ROS1: variants seen among roughly 807,000 people sequenced by gnomAD.
ROS1 encodes proto-oncogene tyrosine-protein kinase ROS.
ROS1 carries 263 observed loss-of-function variants against 273.5 expected under a neutral mutation model. That is an observed-to-expected ratio of 0.96 (90% confidence interval 0.87 to 1.06). The LOEUF is 1.06. ROS1 is among the 50% of genes least tolerant of loss of function. ROS1 has a pLI of 0.00. For synonymous variants in ROS1, 1,008 were observed against 954.1 expected (o/e 1.06, Z -1.04); for missense variants, 2,833 against 2,751.1 (o/e 1.03, Z -0.67).
At chr6:117,401,011 T>C (rs1163241669) in intron 7 of ROS1, among the ~76,000 whole-genome samples, 1 of 152,190 alleles carries the variant, frequency 6.6e-6, no homozygotes, top group African/African-American at 2.4e-5. Context: ...CCACTCCTCC[T>C]TTACCCTTGT....
rs1165438791 is a variant in ROS1 at position 117,341,570 on chromosome 6, A to G, written c.4714T>C (p.Trp1572Arg). Residue 1572 changes from tryptophan (W) to arginine (R), a missense_variant, in exon 30 of 44, where the codon TGG (tryptophan) becomes CGG (arginine). Coordinates refer to ENST00000368507, the MANE Select transcript of ROS1 (RefSeq NM_001378902.1). ...CCATTTGGCTTGTGAGATTCTCTCC[A>G]AGATATAATGAGGCTGGTGTCTGAC... ...VRSDTSLIISWRESHKPNGPK... is the reference protein window; with the variant it reads ...VRSDTSLIISRRESHKPNGPK... 3.1e-6 allele frequency: 5 copies of G among 1,613,702 alleles called. No individual in the cohort carries two copies. Among genetic ancestry groups the G allele is most frequent in the South Asian group, 1.1e-5 (1 of 91,070 alleles).
Position 117,389,687 on chromosome 6 carries a change from G to C in ROS1, c.1449C>G (p.Ala483=). 1 of 1,614,162 alleles carries C rather than the reference G, an allele frequency of 6.2e-7. No homozygotes were observed. Among genetic ancestry groups the C allele is most frequent in the Non-Finnish European group, 8.5e-7 (1 of 1,180,026 alleles). The change falls in exon 13 of 44, where the codon GCC becomes GCG. Residue 483 remains alanine, a synonymous_variant. Transcript: ENST00000368507. ...AKRIIYFNDT[A]QVFMSTFLDG... is the part of the protein sequence containing the mutation. ...CCAGAAATGTTGACATGAAGACTTG[G>C]GCAGTGTCATTGAAGTAAATGATTC... is the stretch of plus-strand genomic sequence containing the variant.
At chr6:117,360,224 C>G (rs1489386096) in intron 23 of ROS1, 118 bp downstream of exon 23, 1 of 869,724 alleles carries the variant, frequency 1.1e-6, no homozygotes, top group Non-Finnish European at 1.7e-6. Context: ...TGTTTTTGAC[C>G]TAAACTTTAG....
chr6:117,344,703 C>T (rs760658549), intron 27 of ROS1, among the ~76,000 whole-genome samples: 1 of 152,010 alleles, frequency 6.6e-6, no homozygotes, highest in East Asian at 1.9e-4. Flanking sequence ...GCAAGAGGGG[C>T]GGCAGCCATC....
In ROS1 at chr6:117,304,719, A is replaced by T. The variant is rs144882980; in HGVS notation, c.6552-3582T>A. ...AGATCAAGAAAACATAGTGTATATAAGGTTGGGTATTGATACGATTTGGCC... is the reference window on the plus strand; with the variant it reads ...AGATCAAGAAAACATAGTGTATATATGGTTGGGTATTGATACGATTTGGCC... On this transcript the variant is annotated intron_variant, in intron 42 of 43. Coordinates refer to ENST00000368507, the MANE Select transcript of ROS1 (RefSeq NM_001378902.1). 4.3e-3 allele frequency among the ~76,000 whole-genome samples: 661 copies of T among 152,270 alleles called. 3 individuals are homozygous for T. Among genetic ancestry groups the T allele is most frequent in the South Asian group, 0.024 (118 of 4,826 alleles).
chr6:117,388,029 T>C (rs776770495), intron 13 of ROS1, 37 bp from the exon 14 acceptor site: 67 of 1,613,118 alleles, frequency 4.2e-5, no homozygotes, highest in Non-Finnish European at 5.6e-5. Flanking sequence ...CTGATCAGGA[T>C]GACATCTGCA....
chr6:117,417,664 C>T (rs898031250), intron 2 of ROS1, among the ~76,000 whole-genome samples: 1 of 152,172 alleles, frequency 6.6e-6, no homozygotes, highest in Admixed American at 6.5e-5. Context: ...TCTTCCACTT[C>T]CCTACCCTCT....
chr6:117,382,378 C>T (rs1582801311), intron 17 of ROS1, among the ~76,000 whole-genome samples: 1 of 151,918 alleles, frequency 6.6e-6, no homozygotes, highest in African/African-American at 2.4e-5. Context: ...ACTATTAGTT[C>T]ATATATATAC....
chr6:117,358,560 A>G (rs1235710984), intron 24 of ROS1, among the ~76,000 whole-genome samples: 1 of 151,924 alleles, frequency 6.6e-6, no homozygotes, highest in Non-Finnish European at 1.5e-5. Context: ...CCTGGGTTCA[A>G]ACGATTCTCC....
In ROS1 at chr6:117,324,828, C is replaced by G. The variant is rs560196452; in HGVS notation, c.5540-413G>C. Among the ~76,000 whole-genome samples, 4 of 152,118 alleles carry G rather than the reference C, an allele frequency of 2.6e-5. No individual in the cohort carries two copies. In the East Asian group the frequency reaches 7.7e-4, roughly 29 times the overall value. On this transcript the variant is annotated intron_variant, in intron 34 of 43. Coordinates refer to ENST00000368507, the MANE Select transcript of ROS1 (RefSeq NM_001378902.1). ...AACTGAGGAATAAACATGGTAATTTCTCTTAGGTAGTTTCAGTTGTGTAGA... is the reference window on the plus strand; with the variant it reads ...AACTGAGGAATAAACATGGTAATTTGTCTTAGGTAGTTTCAGTTGTGTAGA...
chr6:117,383,302 C>CT lies in ROS1; in HGVS notation c.2481+14dup. Reference sequence around the variant, plus strand: ...ATTCAGTATTACTAAATGATCAGATCTTTTAATTTGTCACCTTTTTCCCAG... The same window carrying CT: ...ATTCAGTATTACTAAATGATCAGATCTTTTTAATTTGTCACCTTTTTCCCAG... On this transcript the variant is annotated intron_variant, in intron 17 of 43. Coordinates refer to ENST00000368507, the MANE Select transcript of ROS1 (RefSeq NM_001378902.1). The CT allele has an allele frequency of 6.3e-7, 1 of 1,596,484 alleles. No homozygotes were observed. The highest frequency in any genetic ancestry group is 2.2e-5 in the East Asian group (1 of 44,734).
intron 40 of ROS1, among the ~76,000 whole-genome samples, 178 bp from the exon 41 acceptor site, chr6:117,310,459 G>C (rs1305505262): frequency 6.6e-6 from 1 of 151,616 alleles, no homozygotes; most frequent in Non-Finnish European, 1.5e-5. Flanking sequence ...ATGTGCCATG[G>C]TGGTTTGCTG....
chr6:117,353,349 A>G (rs59737110), intron 26 of ROS1, among the ~76,000 whole-genome samples, 183 bp from the exon 27 acceptor site: 2,666 of 152,304 alleles, frequency 0.018, 75 homozygotes, highest in African/African-American at 0.061. Context: ...CTCTCATTTT[A>G]GCACCATATC....
chr6:117,359,845 G>A lies in ROS1; in HGVS notation c.3597C>T (p.Leu1199=). 6.2e-7 allele frequency: 1 copy of A among 1,613,914 alleles called. No homozygotes were observed. The highest frequency in any genetic ancestry group is 8.5e-7 in the Non-Finnish European group (1 of 1,179,880). The change falls in exon 24 of 44, where the codon CTC becomes CTT. Residue 1199 remains leucine, a synonymous_variant. Transcript: ENST00000368507. ...EMGYYAEGDS[L]FLLHLHNRSS... is the part of the protein sequence containing the mutation. ...AGCGATTGTGCAAGTGCAGAAGAAA[G>A]AGTGAGTCCCCTTCAGCATAATATC...
chr6:117,418,973 G>A (rs1775548405), intron 1 of ROS1, among the ~76,000 whole-genome samples: 2 of 152,148 alleles, frequency 1.3e-5, no homozygotes, highest in African/African-American at 4.8e-5. Context: ...GAAAATAAAA[G>A]AAATAGGAAC....
At chr6:117,290,502 T>C (rs1051381924) in intron 43 of ROS1, among the ~76,000 whole-genome samples, 7 of 152,212 alleles carry the variant, frequency 4.6e-5, no homozygotes, top group Admixed American at 2.0e-4. Context: ...TCAACAAAGA[T>C]AGCATGCACT....
chr6:117,358,494 C>T (rs557864651), intron 24 of ROS1, among the ~76,000 whole-genome samples: 18 of 151,770 alleles, frequency 1.2e-4, no homozygotes, highest in African/African-American at 3.1e-4. Context: ...TGGAGTCTGG[C>T]GGTAACCCAG....
In ROS1 at chr6:117,356,899, C is replaced by G. The variant is rs754051395; in HGVS notation, c.3856G>C (p.Glu1286Gln). The change falls in exon 26 of 44, where the codon GAA becomes CAA. Residue 1286 changes from glutamate to glutamine, a missense_variant. Glu to Gln is a conservative substitution (Grantham distance 29). Transcript: ENST00000368507. ...YPLLSRLYWT[E>Q]VSNFGYQMFY... ...ATCTGGTAGCCAAAATTGGAAACTT[C>G]TGTCCAATACAAGCGACTATAGAGG... The G allele has an allele frequency of 6.2e-6, 10 of 1,613,530 alleles. No homozygotes were observed. The African/African-American group carries it at 1.2e-4, about 19-fold the overall frequency.
chr6:117,295,388 C>T (rs547023032), intron 43 of ROS1, among the ~76,000 whole-genome samples: 1 of 152,098 alleles, frequency 6.6e-6, no homozygotes, highest in Non-Finnish European at 1.5e-5. Context: ...GAAACTACTA[C>T]AAGAAAATAC....
Sources: allele counts gnomAD v4.1 joint callset (sites outside exome capture counted in the v4.1 genomes callset), GRCh38; gene constraint gnomAD v4.1.1; transcripts MANE v1.5; gene names NCBI Gene and HGNC (gene_info 2026-07-23, HGNC 2026-07-21).